NSMCE2: variants seen among roughly 807,000 people sequenced by gnomAD.
NSMCE2 encodes NSE2 SUMO ligase component of SMC5/6 complex.
NSMCE2 carries 24 observed loss-of-function variants against 23.8 expected under a neutral mutation model. The observed-to-expected ratio is 1.01, with a 90% confidence interval of 0.73 to 1.42. The LOEUF (loss-of-function observed/expected upper bound fraction) is 1.42, where lower values mean the gene tolerates loss of function less well. Ranked by LOEUF, NSMCE2 falls within the 40% of genes most tolerant of loss-of-function variation. NSMCE2 has a pLI of 0.00. For synonymous variants in NSMCE2, 92 were observed against 94.1 expected (o/e 0.98, Z 0.13); for missense variants, 284 against 296.5 (o/e 0.96, Z 0.31).
chr8:125,365,947 G>A (rs945848634), intron 7 of NSMCE2, among the ~76,000 whole-genome samples: 4 of 152,092 alleles, frequency 2.6e-5, no homozygotes, highest in African/African-American at 7.2e-5. Context: ...TGCCTGGGTC[G>A]CTGCAGCCAC....
chr8:125,308,440 G>A (rs570174667), intron 5 of NSMCE2, among the ~76,000 whole-genome samples: 1 of 152,220 alleles, frequency 6.6e-6, no homozygotes, highest in African/African-American at 2.4e-5. Context: ...CCTTTTCCAT[G>A]GTAGCATTTT....
chr8:125,116,581 T>C (rs1456948284), intron 3 of NSMCE2, among the ~76,000 whole-genome samples: 1 of 152,144 alleles, frequency 6.6e-6, no homozygotes, highest in Admixed American at 6.5e-5. Context: ...CGTGTGTGTG[T>C]GCGTATATGT....
At chr8:125,292,017 T>C (rs1004826290) in intron 5 of NSMCE2, among the ~76,000 whole-genome samples, 2 of 152,024 alleles carry the variant, frequency 1.3e-5, no homozygotes, top group African/African-American at 4.8e-5. Flanking sequence ...GGGGAAAGAA[T>C]GAGATTGGGC....
Position 125,187,501 on chromosome 8 carries a change from A to G in NSMCE2, c.418+5245A>G, listed in dbSNP as rs189540036. On this transcript the variant is annotated intron_variant, in intron 5 of 7. Transcript: ENST00000287437. ...TTCTCCTTGCCTTAAACTGCCTTCA[A>G]TATTACAGCTCATGGTTTCTTGCAG... Among the ~76,000 whole-genome samples, 46 of 152,316 alleles carry G rather than the reference A, an allele frequency of 3.0e-4. 1 individual carries two copies. Among genetic ancestry groups the G allele is most frequent in the Admixed American group, 2.9e-3 (45 of 15,296 alleles).
At chr8:125,207,668 T>A (rs1034288955) in intron 5 of NSMCE2, among the ~76,000 whole-genome samples, 9 of 152,224 alleles carry the variant, frequency 5.9e-5, no homozygotes, top group Non-Finnish European at 1.0e-4. Context: ...ATTTGGCTCG[T>A]GACTATTTGG....
Position 125,186,111 on chromosome 8 carries a change from T to A in NSMCE2, c.418+3855T>A, listed in dbSNP as rs555255407. ...AGCTAACAATGATTTTTATGTTTTT[T>A]AACTGTTGGAGAAAAAAATCAAAAG... On this transcript the variant is annotated intron_variant, in intron 5 of 7. Coordinates refer to ENST00000287437, the MANE Select transcript of NSMCE2 (RefSeq NM_173685.4). 6.6e-5 allele frequency among the ~76,000 whole-genome samples: 10 copies of A among 152,350 alleles called. No homozygotes were observed. The South Asian group carries it at 1.9e-3, about 28-fold the overall frequency.
chr8:125,132,132 C>T lies in NSMCE2; in HGVS notation c.158-19039C>T, dbSNP rs112966549. On this transcript the variant is annotated intron_variant, in intron 3 of 7. Coordinates refer to ENST00000287437, the MANE Select transcript of NSMCE2 (RefSeq NM_173685.4). ...GAGTTGGTGGGTACAGGATCTTGCT[C>T]TGTTGCCCAGGCTGGAGTACAGTGG... Among the ~76,000 whole-genome samples the T allele has an allele frequency of 3.0e-3, 457 of 152,302 alleles. 2 individuals carry two copies. Among genetic ancestry groups the T allele is most frequent in the African/African-American group, 0.01 (430 of 41,556 alleles).
rs544580780 is a variant in NSMCE2 at position 125,311,742 on chromosome 8, T to G, written c.419-45477T>G. Among the ~76,000 whole-genome samples the G allele has an allele frequency of 4.6e-5, 7 of 152,360 alleles. 1 individual carries two copies. The South Asian group carries it at 1.4e-3, about 32-fold the overall frequency. On this transcript the variant is annotated intron_variant, in intron 5 of 7. Transcript: ENST00000287437. ...ATTAAGAAATTTGGAATAATTCATG[T>G]GAACCTAAATGGTGAAATAGAATCA... is the stretch of plus-strand genomic sequence containing the variant.
chr8:125,223,107 T>C (rs186603896), intron 5 of NSMCE2, among the ~76,000 whole-genome samples: 1 of 151,348 alleles, frequency 6.6e-6, no homozygotes, highest in African/African-American at 2.4e-5. Flanking sequence ...GGCTCACACC[T>C]GTAATACCAG....
At chr8:125,140,326 T>G (rs1220658967) in intron 3 of NSMCE2, among the ~76,000 whole-genome samples, 1 of 152,198 alleles carries the variant, frequency 6.6e-6, no homozygotes. Flanking sequence ...GTTGGAGGCC[T>G]TATGTTGAGT....
intron 5 of NSMCE2, among the ~76,000 whole-genome samples, chr8:125,236,434 A>G (rs1825555915): frequency 6.6e-6 from 1 of 152,060 alleles, no homozygotes; most frequent in African/African-American, 2.4e-5. Flanking sequence ...TGTGTGTGTT[A>G]TGTAAATAGG....
chr8:125,253,489 G>GTTTGT (rs752826634), intron 5 of NSMCE2, among the ~76,000 whole-genome samples: 9 of 152,120 alleles, frequency 5.9e-5, no homozygotes, highest in Admixed American at 2.6e-4. Context: ...TTTTATGTTT[G>GTTTGT]TTTGTTTTGT....
intron 3 of NSMCE2, among the ~76,000 whole-genome samples, chr8:125,134,650 G>A (rs565049660): frequency 1.9e-4 from 28 of 151,008 alleles, no homozygotes; most frequent in African/African-American, 6.3e-4. Context: ...TTGTATACTC[G>A]GAATAAAAAT....
chr8:125,340,100 C>T (rs2131322794), intron 5 of NSMCE2, among the ~76,000 whole-genome samples: 1 of 147,456 alleles, frequency 6.8e-6, no homozygotes, highest in East Asian at 2.1e-4. Context: ...CTGCAAGCTC[C>T]GCCTCCCGGG....
chr8:125,208,505 A>T (rs1417467403), intron 5 of NSMCE2, among the ~76,000 whole-genome samples: 1 of 152,256 alleles, frequency 6.6e-6, no homozygotes, highest in African/African-American at 2.4e-5. Flanking sequence ...CTTTAATCAA[A>T]GGTAGTACAT....
At chr8:125,152,151 T>G (rs1821070342) in intron 4 of NSMCE2, among the ~76,000 whole-genome samples, 1 of 152,262 alleles carries the variant, frequency 6.6e-6, no homozygotes, top group African/African-American at 2.4e-5. Context: ...AGTATTTAAC[T>G]ATAGTATTTG....
chr8:125,153,556 C>T (rs909834716), intron 4 of NSMCE2, among the ~76,000 whole-genome samples: 6 of 152,128 alleles, frequency 3.9e-5, no homozygotes, highest in African/African-American at 1.4e-4. Flanking sequence ...GAATGAACAG[C>T]AGCTTGGGAG....
intron 3 of NSMCE2, among the ~76,000 whole-genome samples, chr8:125,125,527 A>G (rs1819476271): frequency 1.3e-5 from 2 of 152,242 alleles, no homozygotes; most frequent in Non-Finnish European, 1.5e-5. Flanking sequence ...TAATTGCAGG[A>G]AACAGTGAAG....
chr8:125,101,310 G>A (rs1818176013), intron 1 of NSMCE2, among the ~76,000 whole-genome samples: 1 of 152,150 alleles, frequency 6.6e-6, no homozygotes, highest in Admixed American at 6.5e-5. Context: ...GGATGGAAAT[G>A]CCAGAGATAC....
Sources: allele counts gnomAD v4.1 joint callset (sites outside exome capture counted in the v4.1 genomes callset), GRCh38; gene constraint gnomAD v4.1.1; transcripts MANE v1.5; gene names NCBI Gene and HGNC (gene_info 2026-07-23, HGNC 2026-07-21).